The following PRELID2 variants were observed in gnomAD, a reference collection of about 807,000 sequenced individuals.
PRELID2 encodes the protein PRELI domain containing 2.
PRELID2 carries 25 observed loss-of-function variants against 28.4 expected under a neutral mutation model. The observed-to-expected ratio is 0.88, with a 90% CI of 0.64 to 1.23. PRELID2 has a LOEUF of 1.23. Ranked by LOEUF, PRELID2 falls within the 50% of genes most tolerant of loss-of-function variation. The probability of loss-of-function intolerance (pLI) is 0.00; values close to 1 mark genes in which losing one functional copy is unlikely to be tolerated. For missense variants in PRELID2, 201 were observed against 214.4 expected (o/e 0.94, Z 0.39); for synonymous variants, 76 against 71.6 (o/e 1.06, Z -0.31).
At chr5:145,730,122 GT>G (rs1339113755) in intron 1 of PRELID2, among the ~76,000 whole-genome samples, 1 of 151,982 alleles carries the variant, frequency 6.6e-6, no homozygotes, top group African/African-American at 2.4e-5. Context: ...ATTATGGTGC[GT>G]CAGGGTAGCC....
chr5:145,378,344 G>A, the PRELID2 span, among the ~76,000 whole-genome samples: 3 of 152,122 alleles, frequency 2.0e-5, no homozygotes, highest in Non-Finnish European at 4.4e-5. Flanking sequence ...TATCTAGGTT[G>A]GGGAATTTCT....
chr5:145,706,042 C>T (rs1755538567), intron 1 of PRELID2, among the ~76,000 whole-genome samples: 1 of 151,634 alleles, frequency 6.6e-6, no homozygotes, highest in African/African-American at 2.4e-5. Flanking sequence ...TTCAGGGATA[C>T]TTATTTTCTT....
At chr5:145,830,635 C>T (rs620323) in intron 1 of PRELID2, among the ~76,000 whole-genome samples, 108,616 of 152,126 alleles carry the variant, frequency 0.71, 39,964 homozygotes, top group Non-Finnish European at 0.82. Context: ...TGCATTGACA[C>T]TATAGTTCTT....
intron 5 of PRELID2, among the ~76,000 whole-genome samples, chr5:145,766,633 T>C (rs1437543085): frequency 6.6e-6 from 1 of 152,158 alleles, no homozygotes; most frequent in African/African-American, 2.4e-5. Context: ...GAGAGAATGC[T>C]GAGTAGTAAG....
chr5:145,681,900 C>T (rs1754943052), intron 1 of PRELID2, among the ~76,000 whole-genome samples: 1 of 152,124 alleles, frequency 6.6e-6, no homozygotes. Flanking sequence ...CTGCTCATGC[C>T]AAATTAGAAA....
chr5:145,637,218 C>A (rs1033867207), intron 1 of PRELID2, among the ~76,000 whole-genome samples: 5 of 152,170 alleles, frequency 3.3e-5, no homozygotes, highest in Non-Finnish European at 2.9e-5. Context: ...TTGGGCACTG[C>A]ATAACAGACA....
intron 1 of PRELID2, among the ~76,000 whole-genome samples, chr5:145,739,965 T>TA: frequency 6.6e-6 from 1 of 150,402 alleles, no homozygotes; most frequent in East Asian, 2.0e-4. Context: ...GAAAAATAAA[T>TA]AAAAAAACAT....
At chr5:145,697,542 G>T (rs747220965) in intron 1 of PRELID2, among the ~76,000 whole-genome samples, 2 of 152,138 alleles carry the variant, frequency 1.3e-5, no homozygotes, top group Non-Finnish European at 2.9e-5. Flanking sequence ...CCATGTTTAT[G>T]CTGCTTTTAT....
intron 1 of PRELID2, among the ~76,000 whole-genome samples, chr5:145,664,758 T>C (rs1238788222): frequency 6.6e-6 from 1 of 152,118 alleles, no homozygotes; most frequent in Non-Finnish European, 1.5e-5. Context: ...TCTCCATTTA[T>C]ACCTTTTCCT....
intron 1 of PRELID2, among the ~76,000 whole-genome samples, chr5:145,614,859 T>A (rs1753671655): frequency 6.6e-6 from 1 of 152,192 alleles, no homozygotes; most frequent in Non-Finnish European, 1.5e-5. Flanking sequence ...GGACTTCCAA[T>A]ACTATGTTGA....
At chr5:145,718,301 T>C (rs568853272) in intron 1 of PRELID2, among the ~76,000 whole-genome samples, 2 of 151,800 alleles carry the variant, frequency 1.3e-5, no homozygotes, top group Admixed American at 6.6e-5. Flanking sequence ...TTAGAAAATA[T>C]AATAAAAAAT....
intron 1 of PRELID2, among the ~76,000 whole-genome samples, chr5:145,631,299 T>C (rs1561525650): frequency 1.3e-5 from 2 of 152,206 alleles, no homozygotes. Flanking sequence ...AAGTCACTGC[T>C]TCAGAATATC....
At chr5:145,590,968 G>A (rs1753218407) in intron 1 of PRELID2, among the ~76,000 whole-genome samples, 1 of 151,034 alleles carries the variant, frequency 6.6e-6, no homozygotes, top group Non-Finnish European at 1.5e-5. Context: ...TCTTCAATCT[G>A]AAAAGATTAA....
chr5:145,764,407 C>G (rs10045839), intron 6 of PRELID2, among the ~76,000 whole-genome samples: 2,651 of 152,322 alleles, frequency 0.017, 62 homozygotes, highest in East Asian at 0.08. Context: ...CCAAGGCACT[C>G]TTACCCAGAG....
intron 1 of PRELID2, among the ~76,000 whole-genome samples, chr5:145,627,886 G>A (rs894019284): frequency 2.6e-5 from 4 of 152,110 alleles, no homozygotes; most frequent in Non-Finnish European, 5.9e-5. Flanking sequence ...CAGGGCCTTG[G>A]TAATTACTGT....
At chr5:145,715,934 TTAGGTCTAACC>T (rs1249653018) in intron 1 of PRELID2, among the ~76,000 whole-genome samples, 1 of 152,214 alleles carries the variant, frequency 6.6e-6, no homozygotes, top group East Asian at 1.9e-4. Flanking sequence ...ATTTATTTGT[TTAGGTCTAACC>T]AAGCTTGTCC....
At chr5:145,362,304 C>T in the PRELID2 span, among the ~76,000 whole-genome samples, 1 of 152,144 alleles carries the variant, frequency 6.6e-6, no homozygotes, top group Non-Finnish European at 1.5e-5. Flanking sequence ...TCAGTGTCCT[C>T]ATACCTGGCC....
chr5:145,484,053 T>A (rs918094240), intron 1 of PRELID2, among the ~76,000 whole-genome samples: 71 of 152,058 alleles, frequency 4.7e-4, no homozygotes, highest in Non-Finnish European at 2.9e-4. Flanking sequence ...AAAGAGAAAA[T>A]CAAATGCAGA....
the PRELID2 span, among the ~76,000 whole-genome samples, chr5:145,445,179 A>G: frequency 6.6e-5 from 10 of 152,092 alleles, no homozygotes; most frequent in African/African-American, 2.4e-4. Context: ...GTATAAAAAC[A>G]GACACATAGA....
Sources: gnomAD v4.1 joint callset for allele counts (sites outside exome capture counted in the v4.1 genomes callset) on GRCh38, gnomAD v4.1.1 for gene constraint, MANE v1.5 for transcripts, NCBI Gene and HGNC (gene_info 2026-07-23, HGNC 2026-07-21) for gene names.